Variants in RP1 observed in about 807,000 individuals in gnomAD.
RP1 encodes RP1 axonemal microtubule associated, also known as oxygen-regulated protein 1.
RP1 carries 16 observed loss-of-function variants against 14.8 expected under a neutral mutation model. That is an observed-to-expected ratio of 1.08 (90% CI 0.73 to 1.65). The LOEUF (loss-of-function observed/expected upper bound fraction) is 1.65, where lower values mean the gene tolerates loss of function less well. Ranked by LOEUF, RP1 falls within the 40% of genes most tolerant of loss-of-function variation. RP1 has a pLI of 0.00. For missense variants in RP1, 2,631 were observed against 2,535.0 expected, an observed-to-expected ratio of 1.04 and a Z score of -0.81; for synonymous variants, 876 against 883.6, an observed-to-expected ratio of 0.99 and a Z score of 0.15.
Position 54,628,836 on chromosome 8 carries a change from C to G in RP1, c.4954C>G (p.Arg1652Gly). ...ACCATCTTTTTTTCCTGGGTCTACC[C>G]GCAAATCTCAGGTTTGTCCTTATAA... ...IKPSFFPGST[R>G]KSQVCPYNSV... is the part of the protein sequence containing the mutation. The change falls in exon 4 of 4, where the codon CGC becomes GGC. Residue 1652 changes from arginine to glycine, a missense_variant. By Grantham distance (125) the Arg-to-Gly change is moderately radical (BLOSUM62 -2). Transcript: ENST00000220676. 9.3e-6 allele frequency: 15 copies of G among 1,614,010 alleles called. No homozygotes were observed. The highest frequency in any genetic ancestry group is 1.3e-5 in the Non-Finnish European group (15 of 1,179,954).
At chr8:54,569,945 C>A (rs139689020) in intron 1 of RP1, among the ~76,000 whole-genome samples, 1 of 152,252 alleles carries the variant, frequency 6.6e-6, no homozygotes, top group African/African-American at 2.4e-5. Context: ...ACCTGGAGGA[C>A]GAGTGGGAGT....
rs761988191 is a variant in RP1 at position 54,629,026 on chromosome 8, G to A, written c.5144G>A (p.Arg1715Lys). 3 of 1,614,076 alleles carry A rather than the reference G, an allele frequency of 1.9e-6. No homozygotes were observed. The Admixed American group carries it at 5.0e-5, about 27-fold the overall frequency. The change falls in exon 4 of 4, where the codon AGG (arginine) becomes AAG (lysine). Residue 1715 changes from arginine (R) to lysine (K), a missense_variant. By Grantham distance (26) the Arg-to-Lys change is conservative. Transcript: ENST00000220676. ...DVSAVRDNYCRGDIVEPGTKQ... is the reference protein window; with the variant it reads ...DVSAVRDNYCKGDIVEPGTKQ... ...AGTGCTGTGAGGGACAATTATTGTA[G>A]GGGTGACATTGTAGAACCTGGTACA...
intron 12 of RP1, among the ~76,000 whole-genome samples, chr8:54,688,940 A>G (rs1807637671): frequency 6.6e-6 from 1 of 152,304 alleles, no homozygotes; most frequent in South Asian, 2.1e-4. Context: ...CTTCCTATCC[A>G]TGAGCATGGA....
chr8:54,566,916 G>A (rs1322423231), intron 1 of RP1, among the ~76,000 whole-genome samples: 1 of 152,178 alleles, frequency 6.6e-6, no homozygotes, highest in African/African-American at 2.4e-5. Context: ...GAGGCCCAAG[G>A]TGCGCTGTGT....
chr8:54,787,730 T>C (rs1810356883), intron 24 of RP1, among the ~76,000 whole-genome samples: 1 of 152,196 alleles, frequency 6.6e-6, no homozygotes, highest in African/African-American at 2.4e-5. Context: ...AAAGGTTTAA[T>C]ATTTATTGTG....
At chr8:54,824,341 G>T (rs1030891708) in intron 24 of RP1, among the ~76,000 whole-genome samples, 2 of 151,958 alleles carry the variant, frequency 1.3e-5, no homozygotes, top group African/African-American at 4.8e-5. Flanking sequence ...AAACAAACGA[G>T]TACAACTCAC....
intron 17 of RP1, among the ~76,000 whole-genome samples, chr8:54,727,549 A>G (rs1434164013): frequency 1.3e-5 from 2 of 152,124 alleles, no homozygotes; most frequent in Non-Finnish European, 2.9e-5. Flanking sequence ...TCTGGCAAAA[A>G]TATTTTTTAA....
intron 1 of RP1, among the ~76,000 whole-genome samples, chr8:54,565,465 G>A (rs538047804): frequency 2.6e-5 from 4 of 152,232 alleles, no homozygotes; most frequent in African/African-American, 9.6e-5. Context: ...CTCAGGAGGC[G>A]AAGGCAGGAG....
intron 19 of RP1, among the ~76,000 whole-genome samples, chr8:54,743,560 T>C (rs1243823712): frequency 6.6e-6 from 1 of 152,198 alleles, no homozygotes; most frequent in African/African-American, 2.4e-5. Flanking sequence ...ATTTGATGGG[T>C]TAATCTTTAT....
At chr8:54,641,101 C>A (rs181664956) in intron 3 of RP1, among the ~76,000 whole-genome samples, 1 of 151,952 alleles carries the variant, frequency 6.6e-6, no homozygotes, top group East Asian at 1.9e-4. Context: ...CCCGCCACCA[C>A]GCCTGGCTAA....
chr8:54,620,329 T>G (rs1805823937), intron 1 of RP1, among the ~76,000 whole-genome samples: 1 of 152,220 alleles, frequency 6.6e-6, no homozygotes, highest in South Asian at 2.1e-4. Flanking sequence ...GATAACAAAT[T>G]ACCACTGTAT....
intron 6 of RP1, among the ~76,000 whole-genome samples, chr8:54,662,945 A>G (rs1330173363): frequency 6.6e-6 from 1 of 152,182 alleles, no homozygotes; most frequent in Non-Finnish European, 1.5e-5. Flanking sequence ...ATTTCTGTAC[A>G]GTAGTCCCCG....
intron 1 of RP1, among the ~76,000 whole-genome samples, chr8:54,602,488 A>G (rs1433382641): frequency 6.6e-6 from 1 of 152,188 alleles, no homozygotes; most frequent in African/African-American, 2.4e-5. Context: ...ATAGTGCTGC[A>G]ATAAACATAC....
At chr8:54,702,499 TA>T (rs903925448) in intron 14 of RP1, among the ~76,000 whole-genome samples, 6 of 152,150 alleles carry the variant, frequency 3.9e-5, no homozygotes, top group African/African-American at 1.4e-4. Context: ...ATTTTAGTGC[TA>T]AAAAATGTTA....
intron 24 of RP1, among the ~76,000 whole-genome samples, chr8:54,797,396 T>G (rs1810601474): frequency 6.6e-6 from 1 of 152,170 alleles, no homozygotes; most frequent in Non-Finnish European, 1.5e-5. Flanking sequence ...GTGAATTTGT[T>G]CCAACATAAT....
In RP1 at chr8:54,628,773, GC is replaced by G; in HGVS notation, c.4892del (p.Ala1631GlufsTer2). The G allele has an allele frequency of 6.2e-7, 1 of 1,614,042 alleles. No homozygotes were observed. Among genetic ancestry groups the G allele is most frequent in the Non-Finnish European group, 8.5e-7 (1 of 1,179,962 alleles). ...KEYNIGFVKR[A>X]IEKLYGKADI... ...ATATAACATAGGATTTGTTAAAAGG[GC>G]AATAGAAAAACTGTACGGTAAAGCA... On this transcript the variant is annotated frameshift_variant, in exon 4 of 4. Transcript: ENST00000220676. LOFTEE classifies it low-confidence loss of function (END_TRUNC).
intron 4 of RP1, among the ~76,000 whole-genome samples, chr8:54,651,714 T>G (rs1806658055): frequency 6.6e-6 from 1 of 152,172 alleles, no homozygotes; most frequent in South Asian, 2.1e-4. Context: ...ATTAATTTAT[T>G]TTGTTGTTTT....
At position 54,588,846 on chromosome 8, in the gene RP1, T is replaced by G. The variant is rs140053736; in HGVS notation, c.-13+29526T>G. Reference sequence around the variant, plus strand: ...GAATTAAACAAACATTTCTAGAATATCTACCATTTAAAAGGTACTTGGATA... The same window carrying G: ...GAATTAAACAAACATTTCTAGAATAGCTACCATTTAAAAGGTACTTGGATA... On this transcript the variant is annotated intron_variant, in intron 1 of 22. Coordinates refer to the RP1 transcript ENST00000636932. Among the ~76,000 whole-genome samples the G allele has an allele frequency of 3.9e-3, 598 of 152,340 alleles. 3 individuals carry two copies. The highest frequency in any genetic ancestry group is 0.013 in the African/African-American group (555 of 41,564).
chr8:54,871,162 T>C (rs890138187), exon 29 of RP1: 1 of 150,576 alleles, frequency 6.6e-6, no homozygotes, highest in Non-Finnish European at 1.5e-5. Context: ...CAAATATCCA[T>C]GAAATCACTG....
Sources: gnomAD v4.1 joint callset for allele counts (sites outside exome capture counted in the v4.1 genomes callset) on GRCh38, gnomAD v4.1.1 for gene constraint, MANE v1.5 for transcripts, NCBI Gene and HGNC (gene_info 2026-07-23, HGNC 2026-07-21) for gene names.